The following BTNL3 variants were observed in gnomAD, a reference collection of about 807,000 sequenced individuals.
The protein encoded by BTNL3 is butyrophilin-like protein 3.
Under a neutral mutation model 40.1 loss-of-function variants are expected in BTNL3, and 20 were observed. The observed-to-expected ratio is 0.50, with a 90% CI of 0.35 to 0.72. The LOEUF is 0.72. Ranked by LOEUF, BTNL3 falls within the 30% of genes least tolerant of loss-of-function variation. BTNL3 has a pLI of 0.01. For missense variants in BTNL3, 449 were observed against 582.2 expected (o/e 0.77, Z 2.35); for synonymous variants, 179 against 222.1 (o/e 0.81, Z 1.73).
rs1486338498 is a variant in BTNL3 at position 180,990,790 on chromosome 5, A to C, written c.49+1713A>C. On this transcript the variant is annotated intron_variant, in intron 1 of 7. Transcript: ENST00000342868. Reference sequence around the variant, plus strand: ...CTCAGAAACAAAAGTGACAGGGTGCAGAGAGTGAAGCCAGCGGGAGGTAAG... The same window carrying C: ...CTCAGAAACAAAAGTGACAGGGTGCCGAGAGTGAAGCCAGCGGGAGGTAAG... Among the ~76,000 whole-genome samples the C allele has an allele frequency of 1.5e-5, 2 of 136,834 alleles. 1 individual carries two copies. The highest frequency in any genetic ancestry group is 1.5e-4 in the Admixed American group (2 of 13,046). 89.8% of individuals were successfully genotyped at this position (136,834 alleles called of 152,430 possible).
chr5:181,004,128 G>C, intron 5 of BTNL3: 1 of 1,337,872 alleles, frequency 7.5e-7, no homozygotes, highest in Non-Finnish European at 1.0e-6. Context: ...TTTGCTGTGT[G>C]TGTGGTGGGG....
chr5:180,990,167 C>T lies in BTNL3; in HGVS notation c.49+1090C>T, dbSNP rs1759950477. On this transcript the variant is annotated intron_variant, in intron 1 of 7. Coordinates refer to ENST00000342868, the MANE Select transcript of BTNL3 (RefSeq NM_197975.3). The stretch of plus-strand genomic sequence containing the variant: ...AGAGTGAGACTTTGTCTCAAAAAAA[C>T]AAAAACAAAAAATCACAATCCACGT... Among the ~76,000 whole-genome samples the T allele has an allele frequency of 2.2e-5, 3 of 136,300 alleles. No homozygotes were observed. The Admixed American group carries it at 2.3e-4, about 11-fold the overall frequency. 89.4% of individuals were successfully genotyped at this position (136,300 alleles called of 152,430 possible).
chr5:180,993,118 C>T lies in BTNL3; in HGVS notation c.355C>T (p.Gln119Ter). The change falls in exon 2 of 8, where the codon CAG becomes TAG. Residue 119 changes from glutamine to a stop codon, truncating the protein, a stop_gained. Transcript: ENST00000342868. LOFTEE classifies it high-confidence loss of function. ...CCTGTATGGGTGCTGGTTCAGTTCCCAGATTTACGATGAGGAGGCCACCTG... is the reference window on the plus strand; with the variant it reads ...CCTGTATGGGTGCTGGTTCAGTTCCTAGATTTACGATGAGGAGGCCACCTG... Reference protein sequence around the residue: ...IGLYGCWFSSQIYDEEATWEL... With the variant: ...IGLYGCWFSS 3 of 1,448,222 alleles carry T rather than the reference C, an allele frequency of 2.1e-6. 1 individual carries two copies. The highest frequency in any genetic ancestry group is 2.9e-6 in the Non-Finnish European group (3 of 1,050,618). The allele number at this position is 1,448,222 out of a possible 1,614,324, so 89.7% of individuals were successfully genotyped here.
Position 180,988,996 on chromosome 5 carries a change from T to C in BTNL3, c.-33T>C. The stretch of plus-strand genomic sequence containing the variant: ...CCATCCACCCCTGCTGTCATCTGTT[T>C]TCATAGTGTGAGATCAACCCACAGG... On this transcript the variant is annotated 5_prime_UTR_variant, in exon 1 of 8. Coordinates refer to ENST00000342868, the MANE Select transcript of BTNL3 (RefSeq NM_197975.3). 7.0e-7 allele frequency: 1 copy of C among 1,438,498 alleles called. No individual in the cohort carries two copies. Among genetic ancestry groups the C allele is most frequent in the South Asian group, 1.2e-5 (1 of 86,278 alleles). 89.1% of individuals were successfully genotyped at this position (1,438,498 alleles called of 1,614,324 possible).
intron 7 of BTNL3, 89 bp from the exon 8 acceptor site, chr5:181,005,245 C>G: frequency 6.3e-7 from 1 of 1,585,492 alleles, no homozygotes; most frequent in Non-Finnish European, 8.6e-7. Flanking sequence ...TACCCGGAGC[C>G]AGTCTGCAGT....
rs1381110652 is a variant in BTNL3 at position 180,997,355 on chromosome 5, A to C, written c.540A>C (p.Arg180Ser). ...PQGQDLSSDSRANADGYSLYD... is the reference protein window; with the variant it reads ...PQGQDLSSDSSANADGYSLYD... ...GACAGGATTTGTCTTCAGACTCCAG[A>C]GCAAATGCAGATGGGTACAGCCTGT... The change falls in exon 3 of 8, where the codon AGA becomes AGC. Residue 180 changes from arginine (R) to serine (S), a missense_variant. Around this residue, in one of 2 missense-constraint regions of BTNL3, gnomAD observed 323 missense variants for 464.9 expected, o/e 0.69. Coordinates refer to ENST00000342868, the MANE Select transcript of BTNL3 (RefSeq NM_197975.3). The C allele has an allele frequency of 6.8e-7, 1 of 1,464,412 alleles. No individual in the cohort carries two copies. The highest frequency in any genetic ancestry group is 2.4e-5 in the East Asian group (1 of 41,020). 90.7% of individuals were successfully genotyped at this position (1,464,412 alleles called of 1,614,324 possible). A position where few individuals can be genotyped will look rare whatever the true frequency, so the allele number is the denominator to read the frequency against.
At position 181,000,602 on chromosome 5, in the gene BTNL3, C is replaced by T. The variant is rs914146621; in HGVS notation, c.674-2070C>T. 4.5e-5 allele frequency among the ~76,000 whole-genome samples: 6 copies of T among 132,356 alleles called. 1 individual carries two copies. The highest frequency in any genetic ancestry group is 1.3e-4 in the African/African-American group (5 of 38,878). The allele number at this position is 132,356 out of a possible 152,430, so 86.8% of individuals were successfully genotyped here. A position where few individuals can be genotyped will look rare whatever the true frequency, so the allele number is the denominator to read the frequency against. ...CAGGTGGATCATGAGGTCAGGAGAT[C>T]GAGACCATCCTGGCTAACAAGGTGA... On this transcript the variant is annotated intron_variant, in intron 3 of 7. Transcript: ENST00000342868.
In BTNL3 at chr5:180,992,874, G is replaced by A. The variant is rs781127244; in HGVS notation, c.111G>A (p.Val37=). 1 of 1,463,102 alleles carries A rather than the reference G, an allele frequency of 6.8e-7. No homozygotes were observed. The highest frequency in any genetic ancestry group is 1.1e-5 in the South Asian group (1 of 89,276). 90.6% of individuals were successfully genotyped at this position (1,463,102 alleles called of 1,614,324 possible). A position where few individuals can be genotyped will look rare whatever the true frequency, so the allele number is the denominator to read the frequency against. ...AGGCCTTGGTGGGGGAGGACGCCGT[G>A]TTCTCCTGCTCCCTCTTTCCTGAGA... ...FVQALVGEDA[V]FSCSLFPETS... The change falls in exon 2 of 8, where the codon GTG becomes GTA. Residue 37 remains valine, a synonymous_variant. Coordinates refer to ENST00000342868, the MANE Select transcript of BTNL3 (RefSeq NM_197975.3).
rs1240809671 is a variant in BTNL3, at chr5:181,006,520, A to C, written c.*648A>C. On this transcript the variant is annotated 3_prime_UTR_variant, in exon 8 of 8. Transcript: ENST00000342868. ...AAAACCAGGCAAAGAAAACAGAAGA[A>C]GAGGAAGGAAAACTACAGGTCCATA... 3 of 152,506 alleles carry C rather than the reference A, an allele frequency of 2.0e-5. No homozygotes were observed. The highest frequency in any genetic ancestry group is 4.4e-5 in the Non-Finnish European group (3 of 68,248). The allele number at this position is 152,506 out of a possible 1,614,324, so 9.4% of individuals were successfully genotyped here.
At position 181,002,816 on chromosome 5, in the gene BTNL3, C is replaced by T. The variant is rs368993953; in HGVS notation, c.787+31C>T. 14 of 1,437,974 alleles carry T rather than the reference C, an allele frequency of 9.7e-6. 1 individual carries two copies. The African/African-American group carries it at 2.0e-4, about 20-fold the overall frequency. The allele number at this position is 1,437,974 out of a possible 1,614,324, so 89.1% of individuals were successfully genotyped here. ...TGAGAGAGAGAAGCATGGGCCCATACCTTCTTCATGGTTCCAGTGGAGCTG... is the reference window on the plus strand; with the variant it reads ...TGAGAGAGAGAAGCATGGGCCCATATCTTCTTCATGGTTCCAGTGGAGCTG... On this transcript the variant is annotated intron_variant, in intron 4 of 7. Transcript: ENST00000342868.
At position 180,990,408 on chromosome 5, in the gene BTNL3, TAAG is replaced by T. The variant is rs762328622; in HGVS notation, c.49+1333_49+1335del. Among the ~76,000 whole-genome samples the T allele has an allele frequency of 6.2e-4, 86 of 137,888 alleles. 22 individuals are homozygous for T. Among genetic ancestry groups the T allele is most frequent in the South Asian group, 1.3e-3 (6 of 4,634 alleles). 90.5% of individuals were successfully genotyped at this position (137,888 alleles called of 152,430 possible). ...TTTGCTTATGATGACATAGAGATAA[TAAG>T]ATCACATCTGTGACATTCCTGTGGC... On this transcript the variant is annotated intron_variant, in intron 1 of 7. Transcript: ENST00000342868.
chr5:181,006,055 G>C lies in BTNL3; in HGVS notation c.*183G>C. 1.5e-6 allele frequency: 1 copy of C among 650,204 alleles called. No homozygotes were observed. 40.3% of individuals were successfully genotyped at this position (650,204 alleles called of 1,614,324 possible). A position where few individuals can be genotyped will look rare whatever the true frequency, so the allele number is the denominator to read the frequency against. On this transcript the variant is annotated 3_prime_UTR_variant, in exon 8 of 8. Transcript: ENST00000342868. ...GAGCCCTGCAGCAGCGGCAGTCACA[G>C]CTTCCAGATGAGGGGGGATTGGCCT...
intron 7 of BTNL3, 149 bp downstream of exon 7, chr5:181,004,911 G>T: frequency 6.7e-7 from 1 of 1,481,492 alleles, no homozygotes; most frequent in East Asian, 2.4e-5. Context: ...TCTTGGCCCA[G>T]GACTTGGAGG....
chr5:181,005,279 G>A (rs1167303669), intron 7 of BTNL3, 55 bp from the exon 8 acceptor site: 2 of 1,599,008 alleles, frequency 1.3e-6, no homozygotes, highest in Non-Finnish European at 1.7e-6. Flanking sequence ...TCTTGCTCCA[G>A]CCCAGATTTC....
At position 181,004,720 on chromosome 5, in the gene BTNL3, C is replaced by G. The variant is rs151034827; in HGVS notation, c.836-16C>G. ...ACGTGAGCACGGAACTGCCTGCTCT[C>G]TCTGCTTGCTTTCAGAATTGAGAGA... On this transcript the variant is annotated splice_polypyrimidine_tract_variant and intron_variant, in intron 6 of 7. Coordinates refer to ENST00000342868, the MANE Select transcript of BTNL3 (RefSeq NM_197975.3). 1.9e-3 allele frequency: 3,094 copies of G among 1,614,018 alleles called. 1 individual carries two copies. In the African/African-American group the frequency reaches 0.03, roughly 16 times the overall value.
At chr5:180,997,531 C>G (rs768633174) in intron 3 of BTNL3, 43 bp downstream of exon 3, 1 of 1,459,336 alleles carries the variant, frequency 6.9e-7, no homozygotes, top group Admixed American at 1.9e-5. Flanking sequence ...TGTGTGCATA[C>G]GTAACCCAGG....
At chr5:181,003,981 A>G (rs768478651) in intron 5 of BTNL3, 105 bp downstream of exon 5, 26 of 1,596,684 alleles carry the variant, frequency 1.6e-5, no homozygotes, top group Non-Finnish European at 2.1e-5. Flanking sequence ...GACAGGAAGC[A>G]CCGGCAGGTG....
chr5:180,997,862 G>C lies in BTNL3; in HGVS notation c.673+374G>C, dbSNP rs1233423455. 2.2e-5 allele frequency among the ~76,000 whole-genome samples: 3 copies of C among 136,804 alleles called. 1 individual carries two copies. The highest frequency in any genetic ancestry group is 2.2e-4 in the East Asian group (1 of 4,642). 89.7% of individuals were successfully genotyped at this position (136,804 alleles called of 152,430 possible). A position where few individuals can be genotyped will look rare whatever the true frequency, so the allele number is the denominator to read the frequency against. ...CAGAATAAAACTGTAGAAAATTTCA[G>C]AAAGGATTTACAAATAGTAGGAAAA... On this transcript the variant is annotated intron_variant, in intron 3 of 7. Transcript: ENST00000342868.
At chr5:181,005,229 G>A (rs551256525) in intron 7 of BTNL3, 105 bp from the exon 8 acceptor site, 45 of 1,569,462 alleles carry the variant, frequency 2.9e-5, no homozygotes, top group African/African-American at 1.3e-5. Flanking sequence ...GGGACTGGCC[G>A]GATCCTACCC....
Sources: gnomAD v4.1 joint callset for allele counts (sites outside exome capture counted in the v4.1 genomes callset) on GRCh38, gnomAD v4.1.1 for gene constraint, gnomAD v4.1.1 regional missense constraint, MANE v1.5 for transcripts, NCBI Gene and HGNC (gene_info 2026-07-23, HGNC 2026-07-21) for gene names.